CHCHD3: variants seen among roughly 807,000 people sequenced by gnomAD.
The protein encoded by CHCHD3 is coiled-coil-helix-coiled-coil-helix domain containing 3.
Under a neutral mutation model 38.2 loss-of-function variants are expected in CHCHD3, and 20 were observed. The ratio of observed to expected loss-of-function variants is 0.52; its 90% CI spans 0.37 to 0.76. The LOEUF (loss-of-function observed/expected upper bound fraction) is 0.76. Among genes scored for constraint, CHCHD3 ranks in the 30% least tolerant of loss-of-function variants. The pLI, the probability that CHCHD3 is intolerant of heterozygous loss-of-function variation, is 0.00. For missense variants in CHCHD3, 245 were observed against 279.2 expected, an observed-to-expected ratio of 0.88 and a Z score of 0.87; for synonymous variants, 82 against 100.0, an observed-to-expected ratio of 0.82 and a Z score of 1.07.
Position 133,057,699 on chromosome 7 carries a change from G to A in CHCHD3, c.169+12443C>T, listed in dbSNP as rs6972564. 1.5e-3 allele frequency among the ~76,000 whole-genome samples: 232 copies of A among 152,214 alleles called. 1 individual carries two copies. The highest frequency in any genetic ancestry group is 5.5e-3 in the African/African-American group (228 of 41,536). ...TCATTTTTGCAAAAAAGATGAACAC[G>A]GGTTATGAAATAGTGCCTATGTCAG... On this transcript the variant is annotated intron_variant, in intron 2 of 7. Coordinates refer to ENST00000262570, the MANE Select transcript of CHCHD3 (RefSeq NM_017812.4).
At chr7:132,810,582 A>G (rs1807042580) in intron 6 of CHCHD3, among the ~76,000 whole-genome samples, 1 of 152,196 alleles carries the variant, frequency 6.6e-6, no homozygotes, top group Non-Finnish European at 1.5e-5. Context: ...AATCTACCAC[A>G]CAGATTCTCC....
Position 132,993,603 on chromosome 7 carries a change from T to C in CHCHD3, c.252-18317A>G, listed in dbSNP as rs541314865. Among the ~76,000 whole-genome samples the C allele has an allele frequency of 2.0e-5, 3 of 152,302 alleles. No homozygotes were observed. In the South Asian group the frequency reaches 6.2e-4, roughly 32 times the overall value. On this transcript the variant is annotated intron_variant, in intron 3 of 7. Transcript: ENST00000262570. ...GGTCCCACTGTTGGGCTGCCTTAAGTGGAAGGATCCACTAAGTGGTGGGAG... is the reference window on the plus strand; with the variant it reads ...GGTCCCACTGTTGGGCTGCCTTAAGCGGAAGGATCCACTAAGTGGTGGGAG...
At chr7:132,816,895 G>A (rs544464792) in intron 6 of CHCHD3, among the ~76,000 whole-genome samples, 1 of 152,204 alleles carries the variant, frequency 6.6e-6, no homozygotes, top group African/African-American at 2.4e-5. Context: ...AAGAAGATCC[G>A]AGAACGGCCA....
At chr7:132,842,798 C>T (rs2117102384) in intron 5 of CHCHD3, among the ~76,000 whole-genome samples, 2 of 152,244 alleles carry the variant, frequency 1.3e-5, no homozygotes, top group Middle Eastern at 3.4e-3. Context: ...CTTATGGCAA[C>T]AGATCTTTTT....
intron 2 of CHCHD3, among the ~76,000 whole-genome samples, chr7:133,046,786 A>G (rs939095915): frequency 2.5e-4 from 38 of 152,100 alleles, no homozygotes; most frequent in African/African-American, 8.7e-4. Flanking sequence ...GATGGTCTCA[A>G]TCTCCTGACC....
At chr7:133,069,330 T>G (rs1252433983) in intron 2 of CHCHD3, among the ~76,000 whole-genome samples, 1 of 151,960 alleles carries the variant, frequency 6.6e-6, no homozygotes, top group Non-Finnish European at 1.5e-5. Flanking sequence ...GGGTCACAAT[T>G]GGCCCAAGTG....
chr7:132,861,705 C>T lies in CHCHD3; in HGVS notation c.454-23236G>A, dbSNP rs112273016. Reference sequence around the variant, plus strand: ...CTCTGTTGTAGTACGAAAGTAGCCACGGACAATACACACATAAATGAGCAT... The same window carrying T: ...CTCTGTTGTAGTACGAAAGTAGCCATGGACAATACACACATAAATGAGCAT... On this transcript the variant is annotated intron_variant, in intron 5 of 7. Transcript: ENST00000262570. 5.9e-3 allele frequency among the ~76,000 whole-genome samples: 896 copies of T among 152,268 alleles called. 9 individuals are homozygous for T. The highest frequency in any genetic ancestry group is 0.02 in the African/African-American group (848 of 41,568).
At chr7:132,967,972 A>G (rs745520859) in intron 4 of CHCHD3, among the ~76,000 whole-genome samples, 1 of 152,202 alleles carries the variant, frequency 6.6e-6, no homozygotes, top group Non-Finnish European at 1.5e-5. Context: ...AGTCCTATTC[A>G]TTCTTTGGGA....
chr7:133,002,737 T>C (rs1052801778), intron 3 of CHCHD3, among the ~76,000 whole-genome samples: 3 of 152,198 alleles, frequency 2.0e-5, no homozygotes, highest in African/African-American at 7.2e-5. Context: ...TTCTTTTTCT[T>C]ATCAAATATC....
At chr7:132,794,319 A>T (rs1164082596) in intron 7 of CHCHD3, among the ~76,000 whole-genome samples, 2 of 152,226 alleles carry the variant, frequency 1.3e-5, no homozygotes, top group Non-Finnish European at 2.9e-5. Flanking sequence ...GGCAAGGTAC[A>T]TCTTGGTCTA....
At chr7:132,966,413 A>T (rs766447763) in intron 4 of CHCHD3, among the ~76,000 whole-genome samples, 2 of 152,228 alleles carry the variant, frequency 1.3e-5, no homozygotes, top group South Asian at 4.1e-4. Context: ...ACACAGAAAA[A>T]GCATAACTCA....
intron 3 of CHCHD3, among the ~76,000 whole-genome samples, chr7:133,001,473 A>C (rs1302631487): frequency 6.6e-6 from 1 of 152,236 alleles, no homozygotes; most frequent in Admixed American, 6.5e-5. Context: ...AGCAAAGTGA[A>C]AACTTATGTC....
At chr7:132,941,154 T>C (rs891429954) in intron 4 of CHCHD3, among the ~76,000 whole-genome samples, 1 of 152,224 alleles carries the variant, frequency 6.6e-6, no homozygotes, top group Non-Finnish European at 1.5e-5. Context: ...TTTGCATTTC[T>C]CTCCTCAAAT....
intron 4 of CHCHD3, among the ~76,000 whole-genome samples, chr7:132,959,452 G>A (rs960921768): frequency 6.6e-6 from 1 of 152,192 alleles, no homozygotes; most frequent in Non-Finnish European, 1.5e-5. Context: ...GCTGGGCATG[G>A]TGGCTCACGC....
rs1336930310 is a variant in CHCHD3, at chr7:132,985,361, G to C, written c.252-10075C>G. ...GTCCCTCTGCCCGGCCAGCCGCCCC[G>C]TCCGGGAAGGAGGTGGGGGGGTCAG... On this transcript the variant is annotated intron_variant, in intron 3 of 7. Coordinates refer to ENST00000262570, the MANE Select transcript of CHCHD3 (RefSeq NM_017812.4). Among the ~76,000 whole-genome samples the C allele has an allele frequency of 3.0e-5, 2 of 66,050 alleles. 1 individual carries two copies. Among genetic ancestry groups the C allele is most frequent in the African/African-American group, 1.2e-4 (2 of 17,198 alleles). The allele number at this position is 66,050 out of a possible 152,430, so 43.3% of individuals were successfully genotyped here.
chr7:132,934,735 CT>C (rs2117261066), intron 4 of CHCHD3, among the ~76,000 whole-genome samples: 1 of 152,268 alleles, frequency 6.6e-6, no homozygotes, highest in South Asian at 2.1e-4. Flanking sequence ...GGTGATGCCG[CT>C]CCTACACTGC....
At chr7:132,798,115 G>A (rs1300083804) in intron 6 of CHCHD3, among the ~76,000 whole-genome samples, 1 of 152,002 alleles carries the variant, frequency 6.6e-6, no homozygotes, top group Non-Finnish European at 1.5e-5. Flanking sequence ...TTTTTATCCA[G>A]TACACTAAGC....
In CHCHD3 at chr7:133,000,533, T is replaced by C. The variant is rs139592307; in HGVS notation, c.251+24013A>G. Among the ~76,000 whole-genome samples the C allele has an allele frequency of 8.9e-3, 1,362 of 152,196 alleles. 19 individuals are homozygous for C. The highest frequency in any genetic ancestry group is 0.029 in the African/African-American group (1,225 of 41,550). On this transcript the variant is annotated intron_variant, in intron 3 of 7. Coordinates refer to ENST00000262570, the MANE Select transcript of CHCHD3 (RefSeq NM_017812.4). ...AAAAAAAAATTAATGATGGTTACCATTGGGGAGTGAGATAGGGTACTGGGA... is the reference window on the plus strand; with the variant it reads ...AAAAAAAAATTAATGATGGTTACCACTGGGGAGTGAGATAGGGTACTGGGA...
intron 4 of CHCHD3, among the ~76,000 whole-genome samples, chr7:132,950,880 C>G (rs1191701428): frequency 6.6e-6 from 1 of 152,118 alleles, no homozygotes; most frequent in African/African-American, 2.4e-5. Context: ...ATTCTAAATG[C>G]CCTAGTAGAA....
Sources: gnomAD v4.1 joint callset for allele counts (sites outside exome capture counted in the v4.1 genomes callset) on GRCh38, gnomAD v4.1.1 for gene constraint, MANE v1.5 for transcripts, NCBI Gene and HGNC (gene_info 2026-07-23, HGNC 2026-07-21) for gene names.